ST8SIA6: variants seen among roughly 807,000 people sequenced by gnomAD.
ST8SIA6 encodes alpha-2,8-sialyltransferase 8F.
ST8SIA6 carries 39 observed loss-of-function variants against 33.6 expected under a neutral mutation model. The observed-to-expected ratio is 1.16, with a 90% confidence interval of 0.90 to 1.52. ST8SIA6 has a LOEUF of 1.52. Ranked by LOEUF, ST8SIA6 falls within the 40% of genes most tolerant of loss-of-function variation. The probability of loss-of-function intolerance (pLI) is 0.00; values close to 1 mark genes in which losing one functional copy is unlikely to be tolerated. For synonymous variants in ST8SIA6, 172 were observed against 167.2 expected (o/e 1.03, Z -0.22); for missense variants, 441 against 443.8 (o/e 0.99, Z 0.06).
intron 3 of ST8SIA6, among the ~76,000 whole-genome samples, chr10:17,383,416 T>C (rs538451206): frequency 1.3e-5 from 2 of 152,344 alleles, no homozygotes; most frequent in Admixed American, 6.5e-5. Flanking sequence ...TGTATAAATA[T>C]GTTATTGATA....
rs80253934 is a variant in ST8SIA6 at position 17,360,425 on chromosome 10, T to A, written c.291-825A>T. On this transcript the variant is annotated intron_variant, in intron 3 of 7. Coordinates refer to ENST00000377602, the MANE Select transcript of ST8SIA6 (RefSeq NM_001004470.3). ...TAATATCTAGATTGACAGAACATGA[T>A]GAGTACTGGGAACGGAAAATATTCA... Among the ~76,000 whole-genome samples, 5 of 151,590 alleles carry A rather than the reference T, an allele frequency of 3.3e-5. No individual in the cohort carries two copies. In the East Asian group the frequency reaches 7.7e-4, roughly 23 times the overall value.
chr10:17,427,318 T>C (rs1300643262), intron 2 of ST8SIA6, among the ~76,000 whole-genome samples: 1 of 152,130 alleles, frequency 6.6e-6, no homozygotes, highest in Non-Finnish European at 1.5e-5. Flanking sequence ...TGGGGTGAGA[T>C]CTGAGAATCT....
At position 17,420,315 on chromosome 10, in the gene ST8SIA6, G is replaced by A. The variant is rs184626973; in HGVS notation, c.201-29695C>T. 1.7e-3 allele frequency among the ~76,000 whole-genome samples: 254 copies of A among 152,362 alleles called. 3 individuals are homozygous for A. The highest frequency in any genetic ancestry group is 0.012 in the Admixed American group (187 of 15,306). On this transcript the variant is annotated intron_variant, in intron 2 of 7. Transcript: ENST00000377602. The stretch of plus-strand genomic sequence containing the variant: ...TAGTCCCAGCTACTCGGGAGGCTGA[G>A]GCAGGAGAATGGCGTGAACCCGAGA...
chr10:17,322,758 G>A (rs1847999113), intron 7 of ST8SIA6, among the ~76,000 whole-genome samples: 1 of 152,104 alleles, frequency 6.6e-6, no homozygotes, highest in African/African-American at 2.4e-5. Context: ...AGAAAAAAGA[G>A]TAATGCTAAC....
At chr10:17,348,900 A>T (rs550901200) in intron 4 of ST8SIA6, among the ~76,000 whole-genome samples, 82 of 150,820 alleles carry the variant, frequency 5.4e-4, no homozygotes, top group African/African-American at 2.0e-3. Context: ...GGGCTAAGTA[A>T]TCGGGGCGGG....
At chr10:17,394,271 A>G (rs1056806635) in intron 2 of ST8SIA6, among the ~76,000 whole-genome samples, 2 of 151,820 alleles carry the variant, frequency 1.3e-5, no homozygotes, top group Middle Eastern at 3.2e-3. Context: ...GGGACCAAAC[A>G]GGGTCTTCAG....
At position 17,327,090 on chromosome 10, in the gene ST8SIA6, C is replaced by T. The variant is rs1351737740; in HGVS notation, c.559G>A (p.Ala187Thr). The change falls in exon 6 of 8, where the codon GCA (alanine) becomes ACA (threonine). Residue 187 changes from alanine to threonine, a missense_variant. Transcript: ENST00000377602. Reference sequence around the variant, plus strand: ...AGAATTCCCCCATTTCCGACCACTGCACACTGATTATAAGGGTAGTCCACA... The same window carrying T: ...AGAATTCCCCCATTTCCGACCACTGTACACTGATTATAAGGGTAGTCCACA... ...PFVDYPYNQC[A>T]VVGNGGILNK... The T allele has an allele frequency of 1.2e-6, 2 of 1,609,332 alleles. No individual in the cohort carries two copies. Among genetic ancestry groups the T allele is most frequent in the East Asian group, 2.2e-5 (1 of 44,562 alleles).
intron 2 of ST8SIA6, among the ~76,000 whole-genome samples, chr10:17,431,203 G>A (rs922268030): frequency 5.3e-5 from 8 of 152,202 alleles, no homozygotes; most frequent in Admixed American, 4.6e-4. Flanking sequence ...TGGCCGACAT[G>A]AGGATGAGAA....
At chr10:17,346,579 G>A (rs746946533) in intron 4 of ST8SIA6, among the ~76,000 whole-genome samples, 4 of 152,168 alleles carry the variant, frequency 2.6e-5, no homozygotes, top group Non-Finnish European at 5.9e-5. Flanking sequence ...GGGTGACAGA[G>A]TGAGATCCTG....
At chr10:17,333,717 A>ATATATT (rs1251981910) in intron 4 of ST8SIA6, among the ~76,000 whole-genome samples, 3 of 33,760 alleles carry the variant, frequency 8.9e-5, no homozygotes, top group Non-Finnish European at 1.4e-4. Flanking sequence ...ATATATATAT[A>ATATATT]TTTTTTTTTT....
At chr10:17,347,465 T>G (rs1848875037) in intron 4 of ST8SIA6, among the ~76,000 whole-genome samples, 1 of 151,780 alleles carries the variant, frequency 6.6e-6, no homozygotes, top group Admixed American at 6.6e-5. Context: ...ATGAAGGTGG[T>G]GACCTGTTGT....
chr10:17,334,308 G>A (rs1482387857), intron 4 of ST8SIA6, among the ~76,000 whole-genome samples: 1 of 151,390 alleles, frequency 6.6e-6, no homozygotes, highest in Non-Finnish European at 1.5e-5. Context: ...GGGAGGCCGA[G>A]GCGGGCGGAT....
intron 2 of ST8SIA6, among the ~76,000 whole-genome samples, chr10:17,424,034 C>T (rs1017626350): frequency 6.6e-6 from 1 of 152,140 alleles, no homozygotes; most frequent in Non-Finnish European, 1.5e-5. Flanking sequence ...CCTGCAGCAA[C>T]ATTCTCTCCA....
intron 3 of ST8SIA6, among the ~76,000 whole-genome samples, chr10:17,374,680 C>T (rs1323037866): frequency 6.7e-6 from 1 of 148,662 alleles, no homozygotes; most frequent in Non-Finnish European, 1.5e-5. Context: ...TACCACTGCA[C>T]TCTAGCCTGG....
At chr10:17,324,718 C>T (rs944663866) in intron 6 of ST8SIA6, among the ~76,000 whole-genome samples, 2 of 145,918 alleles carry the variant, frequency 1.4e-5, no homozygotes, top group African/African-American at 5.3e-5. Flanking sequence ...TACACACACA[C>T]ACACACACAC....
intron 2 of ST8SIA6, among the ~76,000 whole-genome samples, chr10:17,413,024 G>A (rs529136844): frequency 1.3e-5 from 2 of 152,276 alleles, no homozygotes; most frequent in Non-Finnish European, 2.9e-5. Flanking sequence ...CTAAGGACCT[G>A]TAAATCCATA....
intron 3 of ST8SIA6, among the ~76,000 whole-genome samples, chr10:17,386,680 CA>C (rs1850365230): frequency 6.6e-6 from 1 of 152,220 alleles, no homozygotes; most frequent in East Asian, 1.9e-4. Flanking sequence ...GAGCAACAGG[CA>C]GTTTTAATGA....
At chr10:17,358,782 T>C (rs1231197758) in intron 4 of ST8SIA6, among the ~76,000 whole-genome samples, 1 of 147,542 alleles carries the variant, frequency 6.8e-6, no homozygotes, top group Admixed American at 6.8e-5. Context: ...GAGAAGATGA[T>C]GAGGAAGAAG....
intron 3 of ST8SIA6, among the ~76,000 whole-genome samples, chr10:17,375,149 G>A (rs1002132436): frequency 1.3e-5 from 2 of 151,992 alleles, no homozygotes; most frequent in African/African-American, 4.8e-5. Context: ...AAAGGTCAGA[G>A]GTGAGTAGAA....
Sources: gnomAD v4.1 joint callset for allele counts (sites outside exome capture counted in the v4.1 genomes callset) on GRCh38, gnomAD v4.1.1 for gene constraint, MANE v1.5 for transcripts, NCBI Gene and HGNC (gene_info 2026-07-23, HGNC 2026-07-21) for gene names.